Variants in CYRIB observed in about 807,000 individuals in gnomAD.
CYRIB encodes CYFIP-related Rac1 interactor B.
Under a neutral mutation model 44.2 loss-of-function variants are expected in CYRIB, and 8 were observed. The observed-to-expected ratio is 0.18, with a 90% CI of 0.11 to 0.33. CYRIB has a LOEUF of 0.33. Ranked by LOEUF, CYRIB falls within the 10% of genes least tolerant of loss-of-function variation. CYRIB has a pLI of 1.00. For synonymous variants in CYRIB, 131 were observed against 127.2 expected (o/e 1.03, Z -0.20); for missense variants, 185 against 382.8 (o/e 0.48, Z 4.31).
At chr8:130,015,703 G>C (rs2097327169) in intron 1 of CYRIB, among the ~76,000 whole-genome samples, 1 of 152,126 alleles carries the variant, frequency 6.6e-6, no homozygotes, top group Non-Finnish European at 1.5e-5. Context: ...CAGTGTGTGT[G>C]TACACAGCCC....
chr8:129,884,478 G>C (rs773098196), intron 2 of CYRIB, among the ~76,000 whole-genome samples: 53 of 152,012 alleles, frequency 3.5e-4, no homozygotes, highest in Non-Finnish European at 6.3e-4. Context: ...AGTAGAGACA[G>C]GGTTTCTCCA....
At chr8:129,941,768 C>T (rs1247758473), upstream of CYRIB, among the ~76,000 whole-genome samples, 1 of 152,162 alleles carries the variant, frequency 6.6e-6, no homozygotes, top group Non-Finnish European at 1.5e-5. Context: ...AGTAACCACA[C>T]ACCTCTAACC....
chr8:130,007,785 C>T (rs1262122832), intron 1 of CYRIB, among the ~76,000 whole-genome samples: 3 of 149,054 alleles, frequency 2.0e-5, no homozygotes, highest in South Asian at 2.1e-4. Context: ...ACTCCATCTC[C>T]AAAAACAGCA....
intron 1 of CYRIB, among the ~76,000 whole-genome samples, chr8:129,921,502 C>T (rs1393880248): frequency 2.0e-5 from 3 of 152,208 alleles, no homozygotes; most frequent in South Asian, 4.1e-4. Context: ...CTCGCCTAGA[C>T]TGGAGTGCAG....
Position 130,009,133 on chromosome 8 carries a change from G to A in CYRIB, c.-296+7237C>T, listed in dbSNP as rs767088384. On this transcript the variant is annotated intron_variant, in intron 1 of 14. Transcript: ENST00000401979. ...CAAAAGACTTCACAGTCAGGGAGTC[G>A]GGTCTGAATCAAAGATCTCCTTGGC... Among the ~76,000 whole-genome samples, 10 of 152,328 alleles carry A rather than the reference G, an allele frequency of 6.6e-5. 1 individual carries two copies. The South Asian group carries it at 1.2e-3, about 19-fold the overall frequency.
At chr8:130,015,884 T>C (rs1453364876) in intron 1 of CYRIB, among the ~76,000 whole-genome samples, 1 of 152,184 alleles carries the variant, frequency 6.6e-6, no homozygotes, top group East Asian at 1.9e-4. Context: ...TCACCCCCTC[T>C]AGTTCCTCAA....
intron 1 of CYRIB, among the ~76,000 whole-genome samples, chr8:129,934,252 T>C (rs2092362681): frequency 6.6e-6 from 1 of 152,024 alleles, no homozygotes; most frequent in Non-Finnish European, 1.5e-5. Context: ...GCCTCACGAG[T>C]CTCCAGCCTG....
Position 129,967,010 on chromosome 8 carries a change from T to A in CYRIB, c.-243+3933A>T, listed in dbSNP as rs577251620. Among the ~76,000 whole-genome samples, 307 of 152,300 alleles carry A rather than the reference T, an allele frequency of 2.0e-3. 1 individual carries two copies. The highest frequency in any genetic ancestry group is 5.7e-3 in the African/African-American group (235 of 41,580). ...AAGCACAGACAAAAATAAATTTTTT[T>A]AAAAATTATCCATGAGTGTTTTTTA... On this transcript the variant is annotated intron_variant, in intron 2 of 14. Coordinates refer to the CYRIB transcript ENST00000401979.
intron 2 of CYRIB, among the ~76,000 whole-genome samples, chr8:129,881,717 T>A (rs946108324): frequency 6.6e-6 from 1 of 152,246 alleles, no homozygotes; most frequent in Admixed American, 6.5e-5. Flanking sequence ...GAGATCTATC[T>A]TCTTCTTATA....
rs141367287 is a variant in CYRIB at position 129,850,314 on chromosome 8, A to G, written c.713+521T>C. The G allele has an allele frequency of 4.8e-4, 77 of 159,566 alleles. No homozygotes were observed. In the South Asian group the frequency reaches 0.01, roughly 21 times the overall value. 9.9% of individuals were successfully genotyped at this position (159,566 alleles called of 1,614,324 possible). A position where few individuals can be genotyped will look rare whatever the true frequency, so the allele number is the denominator to read the frequency against. On this transcript the variant is annotated intron_variant, in intron 9 of 11. Transcript: ENST00000519824. ...GAAAAATCCAGCCAGGACACACTGT[A>G]TCATACATCATAAATGTTTAGAGAG...
At chr8:129,977,339 CTTCAGT>C (rs2132473035) in intron 1 of CYRIB, among the ~76,000 whole-genome samples, 1 of 152,272 alleles carries the variant, frequency 6.6e-6, no homozygotes, top group South Asian at 2.1e-4. Context: ...CTCTGCTATG[CTTCAGT>C]TCCTAAGGCC....
chr8:129,925,704 A>G (rs769250835), intron 1 of CYRIB, among the ~76,000 whole-genome samples: 1 of 152,330 alleles, frequency 6.6e-6, no homozygotes, highest in Non-Finnish European at 1.5e-5. Flanking sequence ...CAAAGCAGAT[A>G]GTCTCTCTTT....
chr8:129,842,133 C>T (rs1214809115), exon 12 of CYRIB: 2 of 1,607,168 alleles, frequency 1.2e-6, no homozygotes. Context: ...GGTGCTTATT[C>T]CAGAATTGTT....
intron 8 of CYRIB, chr8:129,851,184 G>A: frequency 2.4e-6 from 1 of 409,896 alleles, no homozygotes; most frequent in Non-Finnish European, 4.4e-6. Flanking sequence ...GGGGGTCAAA[G>A]GTGTAGAGTT....
intron 1 of CYRIB, among the ~76,000 whole-genome samples, chr8:129,932,182 T>C (rs1392181157): frequency 2.0e-5 from 3 of 151,944 alleles, no homozygotes; most frequent in Non-Finnish European, 4.4e-5. Context: ...GCATTTTCAG[T>C]AGAGACAGGG....
chr8:129,924,284 A>C (rs1236938945), intron 1 of CYRIB, among the ~76,000 whole-genome samples: 2 of 33,416 alleles, frequency 6.0e-5, no homozygotes, highest in African/African-American at 9.2e-5. Flanking sequence ...AAAAAAAAAA[A>C]AAAAACCGGG....
At chr8:130,008,543 G>T (rs1278095669) in intron 1 of CYRIB, 1 of 154,190 alleles carries the variant, frequency 6.5e-6, no homozygotes, top group Non-Finnish European at 1.5e-5. Flanking sequence ...TCCCCATGTG[G>T]ATCCATCACG....
At chr8:129,945,141 T>C (rs2094044241) in intron 2 of CYRIB, among the ~76,000 whole-genome samples, 1 of 152,236 alleles carries the variant, frequency 6.6e-6, no homozygotes, top group South Asian at 2.1e-4. Flanking sequence ...ATTGCTGTAT[T>C]GCAGGTAAAA....
intron 2 of CYRIB, among the ~76,000 whole-genome samples, chr8:129,963,355 G>A (rs559064472): frequency 2.6e-5 from 4 of 152,220 alleles, no homozygotes; most frequent in East Asian, 3.8e-4. Flanking sequence ...AATGAAATCC[G>A]AAGTGCTGTG....
Sources: allele counts gnomAD v4.1 joint callset (sites outside exome capture counted in the v4.1 genomes callset), GRCh38; gene constraint gnomAD v4.1.1; transcripts MANE v1.5; gene names NCBI Gene and HGNC (gene_info 2026-07-23, HGNC 2026-07-21).